RAB11FIP1: variants seen among roughly 807,000 people sequenced by gnomAD.
The protein encoded by RAB11FIP1 is rab11 family-interacting protein 1.
Under a neutral mutation model 83.1 loss-of-function variants are expected in RAB11FIP1, and 49 were observed. The ratio of observed to expected loss-of-function variants is 0.59; its 90% CI spans 0.47 to 0.75. The LOEUF (loss-of-function observed/expected upper bound fraction) is 0.75, where lower values mean the gene tolerates loss of function less well. Among genes scored for constraint, RAB11FIP1 ranks in the 30% least tolerant of loss-of-function variants. The probability of loss-of-function intolerance (pLI) is 0.00; values close to 1 mark genes in which losing one functional copy is unlikely to be tolerated. For synonymous variants in RAB11FIP1, 670 were observed against 656.0 expected, an observed-to-expected ratio of 1.02 and a Z score of -0.33; for missense variants, 1,536 against 1,598.7, an observed-to-expected ratio of 0.96 and a Z score of 0.67.
rs1222233023 is a variant in RAB11FIP1 at position 37,871,206 on chromosome 8, G to A, written c.3524+72C>T. ...CAGACGTCTGTGTGGTTAGAAAGCCGTAACCTCTGCAGGTAGGAAGCAAAG... is the reference window on the plus strand; with the variant it reads ...CAGACGTCTGTGTGGTTAGAAAGCCATAACCTCTGCAGGTAGGAAGCAAAG... On this transcript the variant is annotated intron_variant, in intron 4 of 5. Transcript: ENST00000330843. 38 of 1,521,840 alleles carry A rather than the reference G, an allele frequency of 2.5e-5. No individual in the cohort carries two copies. The East Asian group carries it at 4.5e-4, about 18-fold the overall frequency. 94.3% of individuals were successfully genotyped at this position (1,521,840 alleles called of 1,614,324 possible). A position where few individuals can be genotyped will look rare whatever the true frequency, so the allele number is the denominator to read the frequency against.
chr8:37,868,702 A>G (rs1806390748), intron 5 of RAB11FIP1, among the ~76,000 whole-genome samples: 1 of 152,148 alleles, frequency 6.6e-6, no homozygotes, highest in East Asian at 1.9e-4. Context: ...AGTATTCTAA[A>G]TCCTTCAGAT....
Position 37,867,247 on chromosome 8 carries a change from C to A in RAB11FIP1, c.3633+3173G>T, listed in dbSNP as rs2051217. 2.0e-5 allele frequency among the ~76,000 whole-genome samples: 3 copies of A among 152,212 alleles called. No homozygotes were observed. The East Asian group carries it at 5.8e-4, about 29-fold the overall frequency. On this transcript the variant is annotated intron_variant, in intron 5 of 5. Coordinates refer to ENST00000330843, the MANE Select transcript of RAB11FIP1 (RefSeq NM_001002814.3). The stretch of plus-strand genomic sequence containing the variant: ...ATAAATATCATTAATTCCAGGAAGA[C>A]AAGTGCTGCCTCATCTATCTGCAAC...
chr8:37,868,174 C>A (rs531987304), intron 5 of RAB11FIP1, among the ~76,000 whole-genome samples: 2 of 152,282 alleles, frequency 1.3e-5, no homozygotes, highest in Admixed American at 6.5e-5. Flanking sequence ...GTAATCCCAG[C>A]ACTTTTGGAG....
chr8:37,871,519 C>A lies in RAB11FIP1; in HGVS notation c.3283G>T (p.Val1095Leu). 1.2e-6 allele frequency: 2 copies of A among 1,609,914 alleles called. No individual in the cohort carries two copies. Among genetic ancestry groups the A allele is most frequent in the South Asian group, 1.1e-5 (1 of 90,436 alleles). Residue 1095 changes from valine (V) to leucine (L), a missense_variant, in exon 4 of 6, where the codon GTA becomes TTA. Transcript: ENST00000330843. ...PPPGTSLDNP[V>L]PSPSPSEIFP... Reference sequence around the variant, plus strand: ...ATCTCAGAAGGGGAGGGGCTGGGTACAGGATTGTCCAGGGATGTGCCAGGA... The same window carrying A: ...ATCTCAGAAGGGGAGGGGCTGGGTAAAGGATTGTCCAGGGATGTGCCAGGA...
chr8:37,887,874 A>G (rs929132047), intron 1 of RAB11FIP1, among the ~76,000 whole-genome samples: 1 of 152,256 alleles, frequency 6.6e-6, no homozygotes, highest in Non-Finnish European at 1.5e-5. Flanking sequence ...CGTCAAACTT[A>G]TAATTTTGAA....
rs1216170741 is a variant in RAB11FIP1 at position 37,871,356 on chromosome 8, A to G, written c.3446T>C (p.Leu1149Pro). Residue 1149 changes from leucine to proline, a missense_variant, in exon 4 of 6, where the codon CTC becomes CCC. By Grantham distance (98) the Leu-to-Pro change is moderately conservative. Coordinates refer to ENST00000330843, the MANE Select transcript of RAB11FIP1 (RefSeq NM_001002814.3). ...VENFGKRKPL[L>P]QAWVSPSETH... ...CTCCGAGGGTGAGACCCAGGCCTGG[A>G]GGAGTGGCTTCCTCTTGCCAAAATT... The G allele has an allele frequency of 6.2e-7, 1 of 1,614,154 alleles. No individual in the cohort carries two copies.
At chr8:37,895,929 G>C (rs1233216948) in intron 1 of RAB11FIP1, among the ~76,000 whole-genome samples, 3 of 152,044 alleles carry the variant, frequency 2.0e-5, no homozygotes, top group Non-Finnish European at 4.4e-5. Flanking sequence ...TTTAGCTTTT[G>C]TTTCTTGTTT....
At chr8:37,889,638 G>C (rs1806907182) in intron 1 of RAB11FIP1, among the ~76,000 whole-genome samples, 1 of 152,148 alleles carries the variant, frequency 6.6e-6, no homozygotes, top group Non-Finnish European at 1.5e-5. Flanking sequence ...ACAAACTTCA[G>C]CATGACTGAC....
chr8:37,894,723 C>T (rs1037380148), intron 1 of RAB11FIP1, among the ~76,000 whole-genome samples: 23 of 142,018 alleles, frequency 1.6e-4, no homozygotes, highest in East Asian at 6.0e-4. Flanking sequence ...TATATATATA[C>T]ATATATATAT....
In RAB11FIP1 at chr8:37,862,976, G is replaced by A; in HGVS notation, c.3771C>T (p.Asn1257=). The A allele has an allele frequency of 1.2e-6, 2 of 1,613,978 alleles. No homozygotes were observed. The highest frequency in any genetic ancestry group is 1.7e-6 in the Non-Finnish European group (2 of 1,179,970). The part of the protein sequence containing the change: ...QVRELEDYID[N]LLVRVMEETP... Reference sequence around the variant, plus strand: ...TTTCTTCCATGACCCTGACAAGCAGGTTGTCAATGTAGTCTTCCAGCTCGC... The same window carrying A: ...TTTCTTCCATGACCCTGACAAGCAGATTGTCAATGTAGTCTTCCAGCTCGC... The change falls in exon 6 of 6, where the codon AAC becomes AAT. Residue 1257 remains asparagine, a synonymous_variant. Transcript: ENST00000330843.
chr8:37,886,163 G>C (rs555691050), intron 1 of RAB11FIP1, among the ~76,000 whole-genome samples: 1 of 152,188 alleles, frequency 6.6e-6, no homozygotes, highest in Non-Finnish European at 1.5e-5. Context: ...CAGAGAATGA[G>C]GAGGACTAAA....
At chr8:37,893,615 C>G (rs1806994749) in intron 1 of RAB11FIP1, among the ~76,000 whole-genome samples, 1 of 152,044 alleles carries the variant, frequency 6.6e-6, no homozygotes, top group Non-Finnish European at 1.5e-5. Context: ...GATCCCATCT[C>G]TACAAAAACA....
rs746170885 is a variant in RAB11FIP1, at chr8:37,874,563, G to C, written c.1574C>G (p.Pro525Arg). 1 of 1,614,230 alleles carries C rather than the reference G, an allele frequency of 6.2e-7. No homozygotes were observed. Among genetic ancestry groups the C allele is most frequent in the Non-Finnish European group, 8.5e-7 (1 of 1,180,042 alleles). Residue 525 changes from proline (P) to arginine (R), a missense_variant, in exon 3 of 6, where the codon CCT (proline) becomes CGT (arginine). By Grantham distance (103) the Pro-to-Arg change is moderately radical. Transcript: ENST00000330843. ...GGGAGCCCTCGGAGAGGAAATTGGA[G>C]GTCTCGGTTCAGACTTGGACTCTGG... is the stretch of plus-strand genomic sequence containing the variant. ...AEPESKSEPR[P>R]PISSPRAPQT...
chr8:37,871,206 G>GT, intron 4 of RAB11FIP1, 72 bp downstream of exon 4: 2 of 1,521,842 alleles, frequency 1.3e-6, no homozygotes, highest in South Asian at 2.7e-5. Flanking sequence ...TTAGAAAGCC[G>GT]TAACCTCTGC....
At position 37,871,335 on chromosome 8, in the gene RAB11FIP1, G is replaced by T; in HGVS notation, c.3467C>A (p.Ser1156Ter). The part of the protein sequence containing the change: ...KPLLQAWVSP[S>*]ETHPVSAQPG... ...CTGAGCTGAGACTGGATGTGTCTCCGAGGGTGAGACCCAGGCCTGGAGGAG... is the reference window on the plus strand; with the variant it reads ...CTGAGCTGAGACTGGATGTGTCTCCTAGGGTGAGACCCAGGCCTGGAGGAG... The change falls in exon 4 of 6, where the codon TCG (serine) becomes TAG (stop). Residue 1156 changes from serine (S) to a stop codon, truncating the protein, a stop_gained. Coordinates refer to ENST00000330843, the MANE Select transcript of RAB11FIP1 (RefSeq NM_001002814.3). LOFTEE classifies it high-confidence loss of function. 2 of 1,614,012 alleles carry T rather than the reference G, an allele frequency of 1.2e-6. No homozygotes were observed. The highest frequency in any genetic ancestry group is 1.1e-5 in the South Asian group (1 of 91,072).
intron 1 of RAB11FIP1, among the ~76,000 whole-genome samples, chr8:37,887,461 G>A (rs879549117): frequency 2.6e-5 from 4 of 151,564 alleles, no homozygotes; most frequent in Admixed American, 6.6e-5. Flanking sequence ...AACCTGGAAA[G>A]TGGAGGTTGC....
In RAB11FIP1 at chr8:37,870,520, G is replaced by A; in HGVS notation, c.3533C>T (p.Pro1178Leu). 1.3e-6 allele frequency: 2 copies of A among 1,563,268 alleles called. No homozygotes were observed. Among genetic ancestry groups the A allele is most frequent in the Middle Eastern group, 1.8e-4 (1 of 5,430 alleles). Residue 1178 changes from proline to leucine, a missense_variant, in exon 5 of 6, where the codon CCT becomes CTT. Coordinates refer to ENST00000330843, the MANE Select transcript of RAB11FIP1 (RefSeq NM_001002814.3). ...GTGSAKHRLH[P>L]VKPMNAMATK... ...GGCCATTGCATTCATTGGCTTCACA[G>A]GATGAAGTCTAAAGAGAAGGGGAAA...
chr8:37,872,538 T>C lies in RAB11FIP1; in HGVS notation c.2264A>G (p.Gln755Arg), dbSNP rs1420649149. The C allele has an allele frequency of 3.1e-6, 5 of 1,614,244 alleles. No homozygotes were observed. Among genetic ancestry groups the C allele is most frequent in the Admixed American group, 1.7e-5 (1 of 60,022 alleles). The change falls in exon 4 of 6, where the codon CAG becomes CGG. Residue 755 changes from glutamine (Q) to arginine (R), a missense_variant. Gln to Arg is a conservative substitution (Grantham distance 43, BLOSUM62 1). Transcript: ENST00000330843. ...AAGGDRDLES[Q>R]AGSLVESKAR... ...TTTGCTCTCCACAAGAGACCCAGCCTGACTCTCCAAGTCTCTGTCTCCTCC... is the reference window on the plus strand; with the variant it reads ...TTTGCTCTCCACAAGAGACCCAGCCCGACTCTCCAAGTCTCTGTCTCCTCC...
rs770229500 is a variant in RAB11FIP1, at chr8:37,872,171, C to T, written c.2631G>A (p.Ala877=). Residue 877 remains alanine, a synonymous_variant, in exon 4 of 6, where the codon GCG becomes GCA. Coordinates refer to ENST00000330843, the MANE Select transcript of RAB11FIP1 (RefSeq NM_001002814.3). ...GGAGGTGATCCGCTGGGGAGGCTGG[C>T]GCACCACACGTCGCTGGCCCAGGTG... ...VTTPGPATCG[A]PASPADHLLL... is the part of the protein sequence containing the mutation. 4.5e-5 allele frequency: 73 copies of T among 1,613,808 alleles called. No individual in the cohort carries two copies. The highest frequency in any genetic ancestry group is 1.6e-4 in the Middle Eastern group (1 of 6,078).
Sources: allele counts gnomAD v4.1 joint callset (sites outside exome capture counted in the v4.1 genomes callset), GRCh38; gene constraint gnomAD v4.1.1; transcripts MANE v1.5; gene names NCBI Gene and HGNC (gene_info 2026-07-23, HGNC 2026-07-21).